FAR2: variants seen among roughly 807,000 people sequenced by gnomAD.
FAR2 encodes the protein epididymis secretory protein Li 81.
In FAR2, 19 loss-of-function variants were observed where a neutral mutation model predicts 56.0. The ratio of observed to expected loss-of-function variants is 0.34; its 90% CI spans 0.24 to 0.50. FAR2 has a LOEUF of 0.50. Among genes scored for constraint, FAR2 ranks in the 20% least tolerant of loss-of-function variants. The pLI is 0.98. For synonymous variants in FAR2, 219 were observed against 218.8 expected (o/e 1.00, Z -0.01); for missense variants, 508 against 642.2 (o/e 0.79, Z 2.26).
chr12:29,324,058 C>T (rs1949601196), intron 10 of FAR2, among the ~76,000 whole-genome samples: 1 of 152,126 alleles, frequency 6.6e-6, no homozygotes, highest in African/African-American at 2.4e-5. Flanking sequence ...CTTAAAGGAG[C>T]TGATGGAGCT....
chr12:29,291,222 G>T (rs1948960414), intron 2 of FAR2, among the ~76,000 whole-genome samples: 1 of 152,148 alleles, frequency 6.6e-6, no homozygotes, highest in African/African-American at 2.4e-5. Flanking sequence ...TATAAGCCCT[G>T]AATTTAAGAA....
At chr12:29,189,663 T>C (rs111867567) in intron 1 of FAR2, among the ~76,000 whole-genome samples, 5,904 of 152,288 alleles carry the variant, frequency 0.039, 336 homozygotes, top group African/African-American at 0.13. Flanking sequence ...TAAATATTTA[T>C]ATATCTATCC....
Position 29,178,720 on chromosome 12 carries a change from C to G in FAR2, c.-39+29313C>G, listed in dbSNP as rs1949963721. Among the ~76,000 whole-genome samples, 2 of 152,204 alleles carry G rather than the reference C, an allele frequency of 1.3e-5. 1 individual carries two copies. Among genetic ancestry groups the G allele is most frequent in the African/African-American group, 4.8e-5 (2 of 41,444 alleles). On this transcript the variant is annotated intron_variant, in intron 1 of 11. Transcript: ENST00000536681. ...CTTCTTGTAGTATAGGATATGGAAA[C>G]TAGAGAAACTACATTAGAGAACTTA...
intron 1 of FAR2, among the ~76,000 whole-genome samples, chr12:29,197,459 A>C (rs1950152949): frequency 6.6e-6 from 1 of 152,226 alleles, no homozygotes; most frequent in African/African-American, 2.4e-5. Flanking sequence ...AACAGTACAA[A>C]GCACTATCTC....
intron 4 of FAR2, among the ~76,000 whole-genome samples, chr12:29,304,506 G>C (rs1181175842): frequency 6.6e-6 from 1 of 152,204 alleles, no homozygotes; most frequent in Non-Finnish European, 1.5e-5. Context: ...AAGACAGTGT[G>C]TCCACTACTT....
intron 4 of FAR2, among the ~76,000 whole-genome samples, chr12:29,298,980 G>A (rs769428799): frequency 3.9e-5 from 6 of 152,176 alleles, no homozygotes; most frequent in African/African-American, 9.6e-5. Flanking sequence ...TTGGGAGGCC[G>A]AGGTGGGTGG....
At chr12:29,280,020 G>T (rs1948762591) in intron 2 of FAR2, among the ~76,000 whole-genome samples, 1 of 151,920 alleles carries the variant, frequency 6.6e-6, no homozygotes, top group African/African-American at 2.4e-5. Flanking sequence ...CACCACCCGG[G>T]TTCAAGTGAT....
At chr12:29,225,333 T>C (rs1304614084) in intron 1 of FAR2, among the ~76,000 whole-genome samples, 1 of 152,234 alleles carries the variant, frequency 6.6e-6, no homozygotes, top group African/African-American at 2.4e-5. Context: ...AGTTGTCTTA[T>C]CTGTAATAAT....
chr12:29,305,543 T>C (rs1949241613), intron 4 of FAR2, among the ~76,000 whole-genome samples: 2 of 152,232 alleles, frequency 1.3e-5, no homozygotes, highest in African/African-American at 4.8e-5. Context: ...TTTTGTTTTA[T>C]CAAAGAGCTT....
intron 1 of FAR2, among the ~76,000 whole-genome samples, chr12:29,196,518 C>T (rs1215260228): frequency 6.6e-6 from 1 of 152,028 alleles, no homozygotes; most frequent in East Asian, 1.9e-4. Flanking sequence ...TGTCCTTTGC[C>T]TACTTTTTAA....
intron 1 of FAR2, among the ~76,000 whole-genome samples, chr12:29,247,688 TTG>T (rs142922045): frequency 1.1e-4 from 17 of 152,334 alleles, no homozygotes; most frequent in Non-Finnish European, 2.4e-4. Context: ...TGAGATACAG[TTG>T]TAAGAACTGG....
intron 1 of FAR2, among the ~76,000 whole-genome samples, chr12:29,200,515 G>A (rs893896493): frequency 1.3e-5 from 2 of 152,132 alleles, no homozygotes; most frequent in Admixed American, 6.5e-5. Flanking sequence ...CCTCTTGAAG[G>A]TGCTTGACCC....
chr12:29,192,923 C>T (rs532070046), intron 1 of FAR2, among the ~76,000 whole-genome samples: 16 of 152,262 alleles, frequency 1.1e-4, no homozygotes, highest in African/African-American at 3.8e-4. Flanking sequence ...TATTTATATA[C>T]AAATGTGTAA....
At chr12:29,163,999 G>A (rs1414288786) in intron 1 of FAR2, among the ~76,000 whole-genome samples, 3 of 152,140 alleles carry the variant, frequency 2.0e-5, no homozygotes, top group Non-Finnish European at 4.4e-5. Context: ...CAAAATGGTT[G>A]AGTGTTGGCA....
In FAR2 at chr12:29,202,465, A is replaced by G. The variant is rs1947428322; in HGVS notation, c.-39+53058A>G. On this transcript the variant is annotated intron_variant, in intron 1 of 11. Coordinates refer to ENST00000536681, the MANE Select transcript of FAR2 (RefSeq NM_001271783.2). ...CCAACTTTTAAGAACGTACTGATAG[A>G]GTCATTTATTTCCTTGCTATTAAAA... Among the ~76,000 whole-genome samples, 3 of 152,208 alleles carry G rather than the reference A, an allele frequency of 2.0e-5. No homozygotes were observed. The South Asian group carries it at 6.2e-4, about 32-fold the overall frequency.
intron 1 of FAR2, among the ~76,000 whole-genome samples, chr12:29,232,549 CA>C (rs1311683664): frequency 1.3e-5 from 2 of 152,080 alleles, no homozygotes; most frequent in Non-Finnish European, 2.9e-5. Context: ...ACAGCTATAT[CA>C]AATAGAGGTT....
chr12:29,313,959 C>T (rs542130955), intron 8 of FAR2, among the ~76,000 whole-genome samples: 11 of 149,020 alleles, frequency 7.4e-5, no homozygotes, highest in South Asian at 2.1e-4. Context: ...CACGAATATT[C>T]GGCTTTTCTA....
chr12:29,260,517 C>T (rs1451931761), intron 1 of FAR2, among the ~76,000 whole-genome samples: 1 of 152,124 alleles, frequency 6.6e-6, no homozygotes, highest in Non-Finnish European at 1.5e-5. Context: ...GACTCTGGGC[C>T]TTAGGTGAGA....
intron 8 of FAR2, among the ~76,000 whole-genome samples, chr12:29,316,315 C>T (rs948741271): frequency 1.3e-5 from 2 of 152,130 alleles, no homozygotes; most frequent in African/African-American, 4.8e-5. Flanking sequence ...CCAGAGTGGA[C>T]AATTGAGTCT....
Sources: gnomAD v4.1 joint callset for allele counts (sites outside exome capture counted in the v4.1 genomes callset) on GRCh38, gnomAD v4.1.1 for gene constraint, MANE v1.5 for transcripts, NCBI Gene and HGNC (gene_info 2026-07-23, HGNC 2026-07-21) for gene names.